The following ZBTB20 variants were observed in gnomAD, a reference collection of about 807,000 sequenced individuals.
The protein encoded by ZBTB20 is zinc finger and BTB domain containing 20, also known as zinc finger and BTB domain-containing protein 20.
ZBTB20 carries 9 observed loss-of-function variants against 56.9 expected under a neutral mutation model. The ratio of observed to expected loss-of-function variants is 0.16; its 90% CI spans 0.10 to 0.28. ZBTB20 has a LOEUF of 0.28. Among genes scored for constraint, ZBTB20 ranks in the 10% least tolerant of loss-of-function variants. The probability of loss-of-function intolerance (pLI) is 1.00; values close to 1 mark genes in which losing one functional copy is unlikely to be tolerated. For missense variants in ZBTB20, 655 were observed against 1,003.0 expected, an observed-to-expected ratio of 0.65 and a Z score of 4.69; for synonymous variants, 417 against 420.7, an observed-to-expected ratio of 0.99 and a Z score of 0.11.
At chr3:114,399,491 G>T (rs1426859520) in intron 7 of ZBTB20, among the ~76,000 whole-genome samples, 1 of 152,128 alleles carries the variant, frequency 6.6e-6, no homozygotes, top group African/African-American at 2.4e-5. Context: ...CAGAGTGTTG[G>T]TTATTAGTAG....
At chr3:114,590,511 TAAAAATAAATAAA>T (rs959384667) in intron 6 of ZBTB20, among the ~76,000 whole-genome samples, 6 of 40,750 alleles carry the variant, frequency 1.5e-4, no homozygotes, top group East Asian at 1.0e-3. Flanking sequence ...TAATAAAAAA[TAAAAATAAATAAA>T]AAATAAACAA....
At chr3:114,633,710 T>A (rs1431598817) in intron 6 of ZBTB20, among the ~76,000 whole-genome samples, 1 of 152,130 alleles carries the variant, frequency 6.6e-6, no homozygotes, top group Non-Finnish European at 1.5e-5. Flanking sequence ...ACTTTAGGGA[T>A]GGATAAGAAA....
chr3:115,004,513 G>GT (rs1227555022), intron 2 of ZBTB20, among the ~76,000 whole-genome samples: 1 of 151,608 alleles, frequency 6.6e-6, no homozygotes, highest in East Asian at 2.0e-4. Context: ...ACACACTAGG[G>GT]TTTGTGCCTC....
chr3:114,493,302 T>A (rs2042934585), intron 7 of ZBTB20, among the ~76,000 whole-genome samples: 2 of 152,318 alleles, frequency 1.3e-5, no homozygotes, highest in South Asian at 4.1e-4. Context: ...GTTTCCAGTT[T>A]TGGGCTATTA....
At chr3:114,597,276 C>T (rs1022308596) in intron 6 of ZBTB20, among the ~76,000 whole-genome samples, 24 of 152,172 alleles carry the variant, frequency 1.6e-4, no homozygotes, top group African/African-American at 5.5e-4. Flanking sequence ...TCTTTTCCTG[C>T]CTTTCCACAG....
intron 6 of ZBTB20, among the ~76,000 whole-genome samples, chr3:114,679,162 C>T (rs2061815256): frequency 6.6e-6 from 1 of 152,108 alleles, no homozygotes. Context: ...AAATGTAAGA[C>T]CTAAAACCAT....
intron 3 of ZBTB20, among the ~76,000 whole-genome samples, chr3:114,931,609 A>G (rs1421858641): frequency 1.3e-5 from 2 of 152,166 alleles, no homozygotes; most frequent in East Asian, 3.8e-4. Flanking sequence ...AACTACCTGC[A>G]TTATCTACGA....
rs2080694379 is a variant in ZBTB20, at chr3:114,351,799, G to A, written c.279C>T (p.Thr93=). 1 of 1,608,358 alleles carries A rather than the reference G, an allele frequency of 6.2e-7. No individual in the cohort carries two copies. Residue 93 remains threonine, a synonymous_variant, in exon 11 of 12, where the codon ACC becomes ACT. Coordinates refer to ENST00000675478, the MANE Select transcript of ZBTB20 (RefSeq NM_001348800.3). Reference sequence around the variant, plus strand: ...GGCCACGGTTGCGCTGCTCGTTGAGGGTCTCGAGCACGGAATTGCTGAAGT... The same window carrying A: ...GGCCACGGTTGCGCTGCTCGTTGAGAGTCTCGAGCACGGAATTGCTGAAGT... ...LHNFSNSVLE[T]LNEQRNRGHF... is the part of the protein sequence containing the mutation.
chr3:114,862,739 T>A (rs2075589725), intron 4 of ZBTB20, among the ~76,000 whole-genome samples: 1 of 152,188 alleles, frequency 6.6e-6, no homozygotes, highest in African/African-American at 2.4e-5. Context: ...CTTTCTTGGT[T>A]CCAGAAAACT....
At chr3:114,520,914 G>C (rs549037830) in intron 6 of ZBTB20, among the ~76,000 whole-genome samples, 1 of 152,130 alleles carries the variant, frequency 6.6e-6, no homozygotes, top group South Asian at 2.1e-4. Flanking sequence ...CCATACCTAG[G>C]AAGAATCATG....
At chr3:114,587,940 T>C (rs79255318) in intron 6 of ZBTB20, among the ~76,000 whole-genome samples, 3,143 of 152,318 alleles carry the variant, frequency 0.021, 107 homozygotes, top group African/African-American at 0.071. Context: ...CTATTCCTAC[T>C]TTAATGCACT....
chr3:114,980,740 AGAAT>A (rs1310450446), intron 2 of ZBTB20, among the ~76,000 whole-genome samples: 2 of 151,958 alleles, frequency 1.3e-5, no homozygotes, highest in Admixed American at 6.6e-5. Flanking sequence ...CAAGAAAAAA[AGAAT>A]GAATAAATTA....
In ZBTB20 at chr3:114,315,552, T is replaced by G. The variant is rs2078646240; in HGVS notation, c.*23453A>C. 7.0e-6 allele frequency: 1 copy of G among 143,478 alleles called. No individual in the cohort carries two copies. Among genetic ancestry groups the G allele is most frequent in the East Asian group, 2.1e-4 (1 of 4,790 alleles). The allele number at this position is 143,478 out of a possible 1,614,324, so 8.9% of individuals were successfully genotyped here. A position where few individuals can be genotyped will look rare whatever the true frequency, so the allele number is the denominator to read the frequency against. On this transcript the variant is annotated 3_prime_UTR_variant, in exon 12 of 12. Transcript: ENST00000675478. Reference sequence around the variant, plus strand: ...CAGTGTGTGCGTGGGTGTGTGTATTTTAGGTCTAAACATACAGTGTGTGTG... The same window carrying G: ...CAGTGTGTGCGTGGGTGTGTGTATTGTAGGTCTAAACATACAGTGTGTGTG...
At chr3:114,706,566 T>C (rs1186100782) in intron 5 of ZBTB20, among the ~76,000 whole-genome samples, 1 of 152,058 alleles carries the variant, frequency 6.6e-6, no homozygotes, top group Non-Finnish European at 1.5e-5. Context: ...TTGGGCAAAA[T>C]GGGGTTCAGA....
At chr3:114,867,117 C>A (rs1431789897) in intron 4 of ZBTB20, among the ~76,000 whole-genome samples, 1 of 152,030 alleles carries the variant, frequency 6.6e-6, no homozygotes, top group Non-Finnish European at 1.5e-5. Context: ...AAAGATAGGT[C>A]CAGATGAGGA....
In ZBTB20 at chr3:114,407,384, C is replaced by T. The variant is rs75919922; in HGVS notation, c.-254-18279G>A. On this transcript the variant is annotated intron_variant, in intron 7 of 11. Transcript: ENST00000675478. The stretch of plus-strand genomic sequence containing the variant: ...TGTAACACAGAGTGAAACATTTATG[C>T]ACTTTTATTGCAAGGCTTCTTATTT... 6.4e-4 allele frequency among the ~76,000 whole-genome samples: 97 copies of T among 152,236 alleles called. 1 individual carries two copies. The highest frequency in any genetic ancestry group is 2.2e-3 in the African/African-American group (91 of 41,542).
Position 115,048,138 on chromosome 3 carries a change from T to A in ZBTB20, c.-507+23081A>T, listed in dbSNP as rs1402920433. On this transcript the variant is annotated intron_variant, in intron 2 of 11. Transcript: ENST00000675478. ...TACTTGGGAGGCTGAGGCAGGAGAA[T>A]GGCGTGAACCCGGGAGGCGGAGCTT... Among the ~76,000 whole-genome samples the A allele has an allele frequency of 2.0e-5, 3 of 152,068 alleles. No individual in the cohort carries two copies. In the East Asian group the frequency reaches 5.8e-4, roughly 29 times the overall value.
intron 2 of ZBTB20, among the ~76,000 whole-genome samples, chr3:114,988,504 T>C (rs1196395832): frequency 1.3e-5 from 2 of 152,128 alleles, no homozygotes; most frequent in Non-Finnish European, 2.9e-5. Flanking sequence ...CTATCATTGA[T>C]GGACATTTGG....
At chr3:114,749,235 C>A (rs946553406) in intron 5 of ZBTB20, among the ~76,000 whole-genome samples, 2 of 152,060 alleles carry the variant, frequency 1.3e-5, no homozygotes, top group Non-Finnish European at 2.9e-5. Context: ...GACAACATAG[C>A]AAAATCTCAC....
Sources: allele counts gnomAD v4.1 joint callset (sites outside exome capture counted in the v4.1 genomes callset), GRCh38; gene constraint gnomAD v4.1.1; transcripts MANE v1.5; gene names NCBI Gene and HGNC (gene_info 2026-07-23, HGNC 2026-07-21).